LDB2: variants seen among roughly 807,000 people sequenced by gnomAD.
LDB2 encodes LIM domain binding 2.
In LDB2, 12 loss-of-function variants were observed where a neutral mutation model predicts 44.3. The observed-to-expected ratio is 0.27, with a 90% confidence interval of 0.17 to 0.44. The LOEUF (loss-of-function observed/expected upper bound fraction) is 0.44. LDB2 is among the 20% of genes least tolerant of loss of function. The probability of loss-of-function intolerance (pLI) is 1.00; values close to 1 mark genes in which losing one functional copy is unlikely to be tolerated. For synonymous variants in LDB2, 164 were observed against 174.8 expected, an observed-to-expected ratio of 0.94 and a Z score of 0.49; for missense variants, 344 against 473.5, an observed-to-expected ratio of 0.73 and a Z score of 2.54.
chr4:16,537,740 T>C (rs1032650965), intron 5 of LDB2, among the ~76,000 whole-genome samples: 6 of 152,098 alleles, frequency 3.9e-5, no homozygotes, highest in Admixed American at 1.3e-4. Flanking sequence ...GTAGAACTTA[T>C]GTGCAATACC....
chr4:16,631,755 T>C (rs1028155285), intron 2 of LDB2, among the ~76,000 whole-genome samples: 4 of 152,140 alleles, frequency 2.6e-5, no homozygotes, highest in African/African-American at 9.7e-5. Flanking sequence ...AAAGGCGATG[T>C]CACTACCAAT....
chr4:16,682,756 A>C (rs1260958035), intron 2 of LDB2, among the ~76,000 whole-genome samples: 1 of 152,228 alleles, frequency 6.6e-6, no homozygotes, highest in Non-Finnish European at 1.5e-5. Flanking sequence ...GAATTCTGAG[A>C]CAGACTTCAT....
chr4:16,552,339 T>C (rs963900267), intron 5 of LDB2, among the ~76,000 whole-genome samples: 1 of 152,228 alleles, frequency 6.6e-6, no homozygotes, highest in African/African-American at 2.4e-5. Flanking sequence ...TTTTATCTTA[T>C]TGAGAATGTT....
intron 5 of LDB2, among the ~76,000 whole-genome samples, chr4:16,543,062 TG>T (rs1317975514): frequency 6.6e-6 from 1 of 152,014 alleles, no homozygotes; most frequent in African/African-American, 2.4e-5. Context: ...CTCAGAATGA[TG>T]GTTTCCAGCT....
chr4:16,552,234 T>C (rs1035675504), intron 5 of LDB2, among the ~76,000 whole-genome samples: 1 of 152,186 alleles, frequency 6.6e-6, no homozygotes, highest in African/African-American at 2.4e-5. Context: ...GTTGAACATA[T>C]CAATGAATTA....
chr4:16,800,332 G>A (rs917449567), intron 1 of LDB2, among the ~76,000 whole-genome samples: 6 of 152,162 alleles, frequency 3.9e-5, no homozygotes, highest in African/African-American at 9.7e-5. Flanking sequence ...TTATTGCCCT[G>A]TGAACAGACC....
chr4:16,661,900 T>C (rs1189109755), intron 2 of LDB2, among the ~76,000 whole-genome samples: 1 of 152,180 alleles, frequency 6.6e-6, no homozygotes, highest in Non-Finnish European at 1.5e-5. Context: ...GGAATCTTGT[T>C]CCCTGGGAAC....
chr4:16,855,986 T>G (rs577880017), intron 1 of LDB2, among the ~76,000 whole-genome samples: 78 of 152,296 alleles, frequency 5.1e-4, no homozygotes, highest in African/African-American at 1.9e-3. Context: ...AAAATACCAC[T>G]TACAGAGTTT....
chr4:16,836,326 G>A (rs753711758), intron 1 of LDB2, among the ~76,000 whole-genome samples: 11 of 152,126 alleles, frequency 7.2e-5, no homozygotes, highest in Non-Finnish European at 1.6e-4. Flanking sequence ...TGGCTGGGAG[G>A]ATAAACATGG....
chr4:16,705,965 T>C (rs1178985529), intron 2 of LDB2, among the ~76,000 whole-genome samples: 1 of 152,218 alleles, frequency 6.6e-6, no homozygotes, highest in Non-Finnish European at 1.5e-5. Context: ...TATAATCTTT[T>C]TTTTTAAGTG....
At chr4:16,850,445 T>C (rs538276743) in intron 1 of LDB2, among the ~76,000 whole-genome samples, 17 of 152,296 alleles carry the variant, frequency 1.1e-4, no homozygotes, top group Admixed American at 3.3e-4. Flanking sequence ...ATGGAAAAGC[T>C]CCTGAAAGCC....
Position 16,608,931 on chromosome 4 carries a change from C to T in LDB2, c.236-13056G>A, listed in dbSNP as rs572716301. 2.6e-5 allele frequency among the ~76,000 whole-genome samples: 4 copies of T among 152,278 alleles called. No homozygotes were observed. The East Asian group carries it at 7.8e-4, about 30-fold the overall frequency. On this transcript the variant is annotated intron_variant, in intron 2 of 7. Coordinates refer to ENST00000304523, the MANE Select transcript of LDB2 (RefSeq NM_001290.5). ...CTCTCTCTTCTGTCATTATTAAAAA[C>T]TAATAAGAAGGTCTGGGGGGCGGGG... is the stretch of plus-strand genomic sequence containing the variant.
intron 1 of LDB2, among the ~76,000 whole-genome samples, chr4:16,877,774 A>G (rs1718865684): frequency 6.6e-6 from 1 of 152,218 alleles, no homozygotes; most frequent in Non-Finnish European, 1.5e-5. Context: ...TGTGTCAGAC[A>G]CTGCTTAGTA....
chr4:16,521,976 A>G (rs929386774), intron 5 of LDB2, among the ~76,000 whole-genome samples: 1 of 151,792 alleles, frequency 6.6e-6, no homozygotes, highest in African/African-American at 2.4e-5. Context: ...TGCGGTTCAA[A>G]CTCCAGCTAC....
intron 1 of LDB2, among the ~76,000 whole-genome samples, chr4:16,874,243 T>C (rs1717675129): frequency 6.6e-6 from 1 of 152,112 alleles, no homozygotes; most frequent in South Asian, 2.1e-4. Context: ...GATTCAGTTT[T>C]ATATTATATT....
intron 2 of LDB2, among the ~76,000 whole-genome samples, chr4:16,598,891 TTTA>T (rs1721805535): frequency 6.6e-6 from 1 of 151,566 alleles, no homozygotes; most frequent in South Asian, 2.1e-4. Context: ...TTTTTTTTTT[TTTA>T]AATTGGCTCA....
chr4:16,517,079 C>G (rs987332397), intron 5 of LDB2, among the ~76,000 whole-genome samples: 4 of 152,194 alleles, frequency 2.6e-5, no homozygotes, highest in Non-Finnish European at 5.9e-5. Flanking sequence ...GAAATGAAAT[C>G]AGGAAGCAGG....
intron 2 of LDB2, among the ~76,000 whole-genome samples, chr4:16,680,967 T>G (rs1330472014): frequency 6.6e-6 from 1 of 152,192 alleles, no homozygotes; most frequent in Non-Finnish European, 1.5e-5. Context: ...AATAGGATTG[T>G]GGTAGGCAAA....
intron 1 of LDB2, among the ~76,000 whole-genome samples, chr4:16,859,064 G>C (rs912517898): frequency 3.9e-5 from 6 of 152,026 alleles, no homozygotes; most frequent in African/African-American, 1.4e-4. Context: ...ACTATACTAT[G>C]CTTCATTTTG....
Sources: allele counts gnomAD v4.1 joint callset (sites outside exome capture counted in the v4.1 genomes callset), GRCh38; gene constraint gnomAD v4.1.1; transcripts MANE v1.5; gene names NCBI Gene and HGNC (gene_info 2026-07-23, HGNC 2026-07-21).